The following TP53BP2 variants were observed in gnomAD, a reference collection of about 807,000 sequenced individuals.
The protein encoded by TP53BP2 is tumor protein p53 binding protein 2.
In TP53BP2, 62 loss-of-function variants were observed where a neutral mutation model predicts 126.2. That is an observed-to-expected ratio of 0.49 (90% CI 0.40 to 0.61). TP53BP2 has a LOEUF of 0.61. TP53BP2 is among the 20% of genes least tolerant of loss of function. TP53BP2 has a pLI of 0.00. For synonymous variants in TP53BP2, 485 were observed against 502.9 expected, an observed-to-expected ratio of 0.96 and a Z score of 0.48; for missense variants, 1,215 against 1,402.8, an observed-to-expected ratio of 0.87 and a Z score of 2.14.
In TP53BP2 at chr1:223,792,363, G is replaced by T; in HGVS notation, c.2996+26C>A. ...AAACCGATTCCCACAACTGAAGTTT[G>T]ACTGGAGTTTAAAAGAAAATCTTAC... is the stretch of plus-strand genomic sequence containing the variant. On this transcript the variant is annotated intron_variant, in intron 15 of 17. Coordinates refer to ENST00000343537, the MANE Select transcript of TP53BP2 (RefSeq NM_001031685.3). The T allele has an allele frequency of 1.9e-6, 3 of 1,582,212 alleles. No individual in the cohort carries two copies. In the South Asian group the frequency reaches 3.4e-5, roughly 18 times the overall value.
In TP53BP2 at chr1:223,825,503, G is replaced by A. The variant is rs115113170; in HGVS notation, c.28-4136C>T. 2.8e-3 allele frequency among the ~76,000 whole-genome samples: 429 copies of A among 152,178 alleles called. 2 individuals carry two copies. The highest frequency in any genetic ancestry group is 9.8e-3 in the African/African-American group (407 of 41,522). The stretch of plus-strand genomic sequence containing the variant: ...ATCATCTCACCTGATTTATTTTCAC[G>A]GTCAGTTTTGTTTCAGGTACTGCTA... On this transcript the variant is annotated intron_variant, in intron 1 of 17. Coordinates refer to ENST00000343537, the MANE Select transcript of TP53BP2 (RefSeq NM_001031685.3).
chr1:223,817,083 C>G (rs1260027250), intron 2 of TP53BP2, among the ~76,000 whole-genome samples: 1 of 151,074 alleles, frequency 6.6e-6, no homozygotes, highest in African/African-American at 2.4e-5. Context: ...TCACTTGAGC[C>G]TAGAAGGTCA....
Position 223,804,267 on chromosome 1 carries a change from T to C in TP53BP2, c.556A>G (p.Lys186Glu), listed in dbSNP as rs1367735018. The change falls in exon 6 of 18, where the codon AAA (lysine) becomes GAA (glutamate). Residue 186 changes from lysine to glutamate, a missense_variant. By Grantham distance (56) the Lys-to-Glu change is moderately conservative. Transcript: ENST00000343537. ...GCTTCCTGATTCTCAGCTATTTCTT[T>C]TAGCCTTTTAAGTTTCTCCTGCTCA... The part of the protein sequence containing the change: ...VAEQEKLKRL[K>E]EIAENQEAKL... The C allele has an allele frequency of 1.9e-6, 3 of 1,614,102 alleles. No individual in the cohort carries two copies. Among genetic ancestry groups the C allele is most frequent in the Non-Finnish European group, 2.5e-6 (3 of 1,180,046 alleles).
chr1:223,792,301 TTC>T, intron 15 of TP53BP2, 86 bp downstream of exon 15: 1 of 1,445,630 alleles, frequency 6.9e-7, no homozygotes, highest in Non-Finnish European at 9.4e-7. Flanking sequence ...ACTGACATAC[TTC>T]TTTGTCTTCC....
At chr1:223,810,838 C>T (rs1662886472) in intron 3 of TP53BP2, among the ~76,000 whole-genome samples, 1 of 152,114 alleles carries the variant, frequency 6.6e-6, no homozygotes, top group Admixed American at 6.6e-5. Context: ...ATACCATTTG[C>T]TTATAGTTGC....
chr1:223,818,534 GA>G (rs1663176773), intron 2 of TP53BP2, among the ~76,000 whole-genome samples: 3 of 148,538 alleles, frequency 2.0e-5, no homozygotes, highest in Middle Eastern at 3.5e-3. Flanking sequence ...AAAAGAAAAA[GA>G]AAAAAATCTA....
intron 1 of TP53BP2, among the ~76,000 whole-genome samples, chr1:223,841,082 C>G (rs1410257930): frequency 6.6e-6 from 1 of 152,038 alleles, no homozygotes; most frequent in Non-Finnish European, 1.5e-5. Context: ...GAAACCCTGT[C>G]TCTACTAAAA....
At chr1:223,837,424 A>G (rs924073736) in intron 1 of TP53BP2, among the ~76,000 whole-genome samples, 2 of 152,026 alleles carry the variant, frequency 1.3e-5, no homozygotes, top group Non-Finnish European at 2.9e-5. Flanking sequence ...CATAGGAAGG[A>G]GCTTGTGGAT....
chr1:223,800,875 T>A (rs1662506506), intron 9 of TP53BP2, 65 bp from the exon 10 acceptor site: 1 of 1,172,320 alleles, frequency 8.5e-7, no homozygotes, highest in Admixed American at 2.5e-5. Context: ...TGATTTTTAC[T>A]GCTAAGACTT....
intron 17 of TP53BP2, among the ~76,000 whole-genome samples, chr1:223,783,576 C>G (rs1366968085): frequency 6.6e-6 from 1 of 152,204 alleles, no homozygotes; most frequent in Non-Finnish European, 1.5e-5. Context: ...ATCTGTTATT[C>G]TCGCTTTCTC....
rs1254208859 is a variant in TP53BP2, at chr1:223,844,360, T to TA, written c.27+1293dup. 3.9e-5 allele frequency among the ~76,000 whole-genome samples: 6 copies of TA among 152,344 alleles called. No homozygotes were observed. The East Asian group carries it at 1.2e-3, about 29-fold the overall frequency. On this transcript the variant is annotated intron_variant, in intron 1 of 17. Transcript: ENST00000343537. ...GAAGAAACCATATAGCAACAACTGA[T>TA]ACGTGTTTCTCTTGCTCCTACTGTT...
chr1:223,806,715 T>C (rs1169070758), intron 5 of TP53BP2, 131 bp downstream of exon 5: 14 of 643,400 alleles, frequency 2.2e-5, no homozygotes, highest in East Asian at 1.8e-4. Flanking sequence ...TCCCAGCTAC[T>C]TGAGAGGCTG....
At chr1:223,789,475 C>T (rs750108047) in intron 15 of TP53BP2, among the ~76,000 whole-genome samples, 17 of 152,100 alleles carry the variant, frequency 1.1e-4, no homozygotes, top group Non-Finnish European at 2.2e-4. Context: ...TTAAGAAAAA[C>T]AATATTAACA....
At chr1:223,845,631 G>C (rs1304320450) in intron 1 of TP53BP2, 23 bp downstream of exon 1, 3 of 1,547,336 alleles carry the variant, frequency 1.9e-6, no homozygotes, top group Middle Eastern at 1.7e-4. Context: ...CGGGCCCGAC[G>C]CCCTGGCCGC....
intron 1 of TP53BP2, among the ~76,000 whole-genome samples, chr1:223,827,794 A>G (rs1363134306): frequency 3.3e-5 from 5 of 149,938 alleles, no homozygotes; most frequent in African/African-American, 1.2e-4. Flanking sequence ...TTGGAAGAGG[A>G]AAAAAAAAAT....
At chr1:223,837,838 C>T (rs900204467) in intron 1 of TP53BP2, among the ~76,000 whole-genome samples, 2 of 152,190 alleles carry the variant, frequency 1.3e-5, no homozygotes, top group African/African-American at 4.8e-5. Flanking sequence ...TCCACCCTTC[C>T]CTCTGGCCCG....
chr1:223,833,090 AG>A (rs1282744047), intron 1 of TP53BP2, among the ~76,000 whole-genome samples: 1 of 152,184 alleles, frequency 6.6e-6, no homozygotes, highest in Non-Finnish European at 1.5e-5. Flanking sequence ...ATGATTTCTT[AG>A]CTGTTTCTCT....
intron 1 of TP53BP2, among the ~76,000 whole-genome samples, chr1:223,839,610 T>C (rs530281017): frequency 1.3e-5 from 2 of 152,308 alleles, no homozygotes; most frequent in South Asian, 4.1e-4. Flanking sequence ...AATAAAGTAG[T>C]ATTAAGTTAT....
intron 1 of TP53BP2, among the ~76,000 whole-genome samples, chr1:223,838,524 G>A (rs1039849493): frequency 1.3e-5 from 2 of 152,238 alleles, no homozygotes; most frequent in Admixed American, 6.5e-5. Context: ...CAAAGTCACT[G>A]CTGCACCATT....
Sources: allele counts gnomAD v4.1 joint callset (sites outside exome capture counted in the v4.1 genomes callset), GRCh38; gene constraint gnomAD v4.1.1; transcripts MANE v1.5; gene names NCBI Gene and HGNC (gene_info 2026-07-23, HGNC 2026-07-21).